Variants in ADGRL3 observed in about 807,000 individuals in gnomAD.
The protein encoded by ADGRL3 is adhesion G protein-coupled receptor L3.
A neutral mutation model predicts 153.5 loss-of-function variants in ADGRL3; 62 were observed. The observed-to-expected ratio is 0.40, with a 90% confidence interval of 0.33 to 0.50. The LOEUF (loss-of-function observed/expected upper bound fraction) is 0.50. Among genes scored for constraint, ADGRL3 ranks in the 20% least tolerant of loss-of-function variants. ADGRL3 has a pLI of 0.47. For missense variants in ADGRL3, 1,641 were observed against 1,859.4 expected, an observed-to-expected ratio of 0.88 and a Z score of 2.16; for synonymous variants, 710 against 672.5, an observed-to-expected ratio of 1.06 and a Z score of -0.86.
At chr4:61,897,025 T>C (rs1030947060) in intron 11 of ADGRL3, among the ~76,000 whole-genome samples, 2 of 152,202 alleles carry the variant, frequency 1.3e-5, no homozygotes, top group African/African-American at 4.8e-5. Flanking sequence ...AGTTGGACCA[T>C]TTTATTGTAG....
At position 61,714,726 on chromosome 4, in the gene ADGRL3, G is replaced by C. The variant is rs143154613; in HGVS notation, c.584-15896G>C. 3.3e-3 allele frequency among the ~76,000 whole-genome samples: 509 copies of C among 152,216 alleles called. 2 individuals are homozygous for C. The highest frequency in any genetic ancestry group is 0.012 in the African/African-American group (483 of 41,554). On this transcript the variant is annotated intron_variant, in intron 6 of 26. Coordinates refer to ENST00000683033, the MANE Select transcript of ADGRL3 (RefSeq NM_001387552.1). ...TCTGGGTGGCAGTCTGTATTTCTCA[G>C]GGATCTTGACAGAATTTGGTTCTTC...
At chr4:61,805,180 G>A (rs1236458756) in intron 8 of ADGRL3, among the ~76,000 whole-genome samples, 1 of 151,834 alleles carries the variant, frequency 6.6e-6, no homozygotes, top group Non-Finnish European at 1.5e-5. Context: ...CTGACCTCGT[G>A]ATCCGCCCGC....
chr4:61,640,891 G>A (rs1272686595), intron 5 of ADGRL3, among the ~76,000 whole-genome samples: 1 of 152,078 alleles, frequency 6.6e-6, no homozygotes, highest in Non-Finnish European at 1.5e-5. Context: ...AGAGAACAAG[G>A]TTCTGCTTAA....
chr4:61,628,772 C>T (rs371000072), intron 5 of ADGRL3, among the ~76,000 whole-genome samples: 11 of 152,030 alleles, frequency 7.2e-5, no homozygotes, highest in Non-Finnish European at 1.0e-4. Context: ...ACTGCTTTGC[C>T]GAAATTCAAC....
intron 5 of ADGRL3, among the ~76,000 whole-genome samples, chr4:61,665,482 G>A (rs987487919): frequency 2.0e-5 from 3 of 151,812 alleles, no homozygotes; most frequent in Non-Finnish European, 2.9e-5. Flanking sequence ...TTATGTTATC[G>A]TCTCCAAGTA....
intron 5 of ADGRL3, among the ~76,000 whole-genome samples, chr4:61,593,135 T>G (rs1394348273): frequency 3.3e-5 from 5 of 152,184 alleles, no homozygotes; most frequent in African/African-American, 1.2e-4. Flanking sequence ...TAATAAAAAC[T>G]CTACACTTTA....
intron 11 of ADGRL3, among the ~76,000 whole-genome samples, chr4:61,901,316 C>T (rs1400943489): frequency 6.6e-6 from 1 of 152,150 alleles, no homozygotes; most frequent in Non-Finnish European, 1.5e-5. Flanking sequence ...ATGTGAAAAT[C>T]TAGAAATAAT....
At chr4:61,554,067 C>G (rs2098753213) in intron 4 of ADGRL3, among the ~76,000 whole-genome samples, 2 of 147,112 alleles carry the variant, frequency 1.4e-5, no homozygotes, top group Non-Finnish European at 3.0e-5. Context: ...AAAGTCAAAG[C>G]TACAGATATA....
chr4:61,842,930 G>A (rs1379222706), intron 9 of ADGRL3, among the ~76,000 whole-genome samples: 2 of 152,082 alleles, frequency 1.3e-5, no homozygotes, highest in African/African-American at 2.4e-5. Flanking sequence ...GTTCTTTAAG[G>A]GCTGTTACAA....
chr4:61,536,505 A>C (rs1242868069), intron 4 of ADGRL3, among the ~76,000 whole-genome samples: 1 of 151,962 alleles, frequency 6.6e-6, no homozygotes, highest in Non-Finnish European at 1.5e-5. Flanking sequence ...TATTGTATGG[A>C]TGTCTATCTC....
intron 2 of ADGRL3, among the ~76,000 whole-genome samples, chr4:61,417,583 A>C (rs143587442): frequency 6.6e-6 from 1 of 150,658 alleles, no homozygotes; most frequent in Admixed American, 6.7e-5. Flanking sequence ...TCGAAAAAAA[A>C]AAAAGTCTTG....
chr4:61,529,277 T>C (rs1335349786), intron 4 of ADGRL3, among the ~76,000 whole-genome samples: 3 of 152,210 alleles, frequency 2.0e-5, no homozygotes, highest in African/African-American at 7.2e-5. Context: ...CTATCCAGTA[T>C]GTATATTTAA....
chr4:61,907,086 T>C (rs2098699342), intron 11 of ADGRL3, among the ~76,000 whole-genome samples: 1 of 152,028 alleles, frequency 6.6e-6, no homozygotes, highest in African/African-American at 2.4e-5. Context: ...GGGGTTCAGA[T>C]CCAGACCCCA....
intron 2 of ADGRL3, among the ~76,000 whole-genome samples, chr4:61,429,359 CTTAAAAG>C (rs997176912): frequency 3.9e-5 from 6 of 152,168 alleles, no homozygotes; most frequent in South Asian, 2.1e-4. Context: ...AGAAAGCAAA[CTTAAAAG>C]TTAAAGGTGA....
intron 9 of ADGRL3, among the ~76,000 whole-genome samples, chr4:61,815,624 A>G (rs1009282216): frequency 2.0e-5 from 3 of 152,202 alleles, no homozygotes; most frequent in African/African-American, 7.2e-5. Flanking sequence ...CTTGGTTTGA[A>G]TGTTTGTATC....
chr4:62,057,579 C>T (rs1160000896), intron 25 of ADGRL3, among the ~76,000 whole-genome samples: 1 of 152,126 alleles, frequency 6.6e-6, no homozygotes, highest in African/African-American at 2.4e-5. Flanking sequence ...ATACGAAAAT[C>T]GGTTTTGCTT....
At chr4:62,012,723 A>G (rs961327361) in intron 21 of ADGRL3, among the ~76,000 whole-genome samples, 1 of 152,196 alleles carries the variant, frequency 6.6e-6, no homozygotes, top group African/African-American at 2.4e-5. Flanking sequence ...CTGGATAGCA[A>G]TGATCGTTAA....
chr4:61,473,035 G>A (rs371262842), intron 2 of ADGRL3, among the ~76,000 whole-genome samples: 113 of 152,230 alleles, frequency 7.4e-4, no homozygotes, highest in Admixed American at 4.2e-3. Flanking sequence ...GAGGACATTG[G>A]ATTTGACAAT....
chr4:61,603,754 T>G (rs980554782), intron 5 of ADGRL3, among the ~76,000 whole-genome samples: 1 of 143,408 alleles, frequency 7.0e-6, no homozygotes, highest in Admixed American at 6.9e-5. Context: ...TTGTTTGTTT[T>G]CCCTGACATC....
Sources: allele counts gnomAD v4.1 joint callset (sites outside exome capture counted in the v4.1 genomes callset), GRCh38; gene constraint gnomAD v4.1.1; transcripts MANE v1.5; gene names NCBI Gene and HGNC (gene_info 2026-07-23, HGNC 2026-07-21).